PEX7: variants seen among roughly 807,000 people sequenced by gnomAD.
The protein encoded by PEX7 is PTS2 receptor.
In PEX7, 34 loss-of-function variants were observed where a neutral mutation model predicts 47.5. The ratio of observed to expected loss-of-function variants is 0.72; its 90% CI spans 0.54 to 0.95. The LOEUF is 0.95. Ranked by LOEUF, PEX7 falls within the 40% of genes least tolerant of loss-of-function variation. PEX7 has a pLI of 0.00. For synonymous variants in PEX7, 141 were observed against 148.8 expected (o/e 0.95, Z 0.38); for missense variants, 394 against 400.3 (o/e 0.98, Z 0.13).
Position 136,913,749 on chromosome 6 carries a change from T to A in PEX7, c.*223T>A, listed in dbSNP as rs774681133. 20 of 547,412 alleles carry A rather than the reference T, an allele frequency of 3.7e-5. No homozygotes were observed. The highest frequency in any genetic ancestry group is 5.8e-5 in the African/African-American group (3 of 51,428). The allele number at this position is 547,412 out of a possible 1,614,324, so 33.9% of individuals were successfully genotyped here. On this transcript the variant is annotated 3_prime_UTR_variant, in exon 10 of 10. Coordinates refer to ENST00000318471, the MANE Select transcript of PEX7 (RefSeq NM_000288.4). ...ATTTAAAATTCTAAGAAATAATTAA[T>A]GTTATGATATATCTTGTAGTATCTA...
At chr6:136,905,444 A>G (rs970320663) in intron 9 of PEX7, among the ~76,000 whole-genome samples, 2 of 152,066 alleles carry the variant, frequency 1.3e-5, no homozygotes, top group Admixed American at 1.3e-4. Flanking sequence ...CAGAATCTAC[A>G]CTCTCTTTTA....
intron 1 of PEX7, chr6:136,823,464 G>C: frequency 1.8e-6 from 1 of 555,612 alleles, no homozygotes; most frequent in Non-Finnish European, 2.3e-6. Flanking sequence ...AGGCTGAGGC[G>C]GGAGGATCGC....
chr6:136,898,902 A>T lies in PEX7; in HGVS notation c.903+661A>T, dbSNP rs531025195. ...GAGTGATAAGGCCCTTTAAATACAG[A>T]GTGTGTGAAAGAACCAGCATATCAA... On this transcript the variant is annotated intron_variant, in intron 9 of 9. Transcript: ENST00000318471. 3.9e-5 allele frequency among the ~76,000 whole-genome samples: 6 copies of T among 152,138 alleles called. No homozygotes were observed. The South Asian group carries it at 1.0e-3, about 26-fold the overall frequency.
chr6:136,857,437 C>T (rs1774880514), intron 5 of PEX7, among the ~76,000 whole-genome samples: 1 of 152,134 alleles, frequency 6.6e-6, no homozygotes, highest in South Asian at 2.1e-4. Context: ...GAATGTCCAT[C>T]ATTTATTGGA....
intron 3 of PEX7, among the ~76,000 whole-genome samples, chr6:136,843,924 T>C (rs190038887): frequency 1.0e-3 from 152 of 152,304 alleles, no homozygotes; most frequent in Non-Finnish European, 1.5e-3. Flanking sequence ...CCCAAAAAAC[T>C]TGATAATCAA....
intron 3 of PEX7, among the ~76,000 whole-genome samples, chr6:136,837,126 T>C (rs927229674): frequency 4.6e-5 from 7 of 151,980 alleles, no homozygotes; most frequent in Non-Finnish European, 1.0e-4. Flanking sequence ...TTTGGGAGGC[T>C]GAGGTGGGCG....
intron 3 of PEX7, among the ~76,000 whole-genome samples, chr6:136,838,764 G>C (rs1343048516): frequency 6.6e-6 from 1 of 152,168 alleles, no homozygotes; most frequent in Non-Finnish European, 1.5e-5. Context: ...TGGGACAGAA[G>C]AAACATGATG....
At chr6:136,879,206 T>G (rs1677537699) in intron 8 of PEX7, among the ~76,000 whole-genome samples, 3 of 152,192 alleles carry the variant, frequency 2.0e-5, no homozygotes, top group Admixed American at 6.5e-5. Context: ...AGTGTATAAT[T>G]AAATATATTA....
rs191768177 is a variant in PEX7, at chr6:136,872,370, T to C, written c.803+117T>C. On this transcript the variant is annotated intron_variant, in intron 8 of 9. Coordinates refer to ENST00000318471, the MANE Select transcript of PEX7 (RefSeq NM_000288.4). ...TAACATGAAAATAATCTGAGATGGG[T>C]ACATTTAAATATTTACTAGGATTAA... The C allele has an allele frequency of 4.9e-5, 37 of 762,528 alleles. No homozygotes were observed. In the African/African-American group the frequency reaches 5.6e-4, roughly 12 times the overall value. The allele number at this position is 762,528 out of a possible 1,614,324, so 47.2% of individuals were successfully genotyped here.
chr6:136,841,773 C>G (rs547349583), intron 3 of PEX7, among the ~76,000 whole-genome samples: 3 of 151,834 alleles, frequency 2.0e-5, no homozygotes, highest in Admixed American at 1.3e-4. Flanking sequence ...TTTATAGAGA[C>G]GGGGGTCTCG....
At chr6:136,855,443 G>A (rs1774843260) in intron 5 of PEX7, among the ~76,000 whole-genome samples, 1 of 150,790 alleles carries the variant, frequency 6.6e-6, no homozygotes, top group Non-Finnish European at 1.5e-5. Flanking sequence ...ACCTTCAAGC[G>A]ATTCTCCTGC....
At chr6:136,910,275 T>C (rs1286530969) in intron 9 of PEX7, among the ~76,000 whole-genome samples, 1 of 152,164 alleles carries the variant, frequency 6.6e-6, no homozygotes, top group Admixed American at 6.5e-5. Flanking sequence ...AGACAACTCT[T>C]TGTCTTCAGT....
chr6:136,828,838 C>T (rs1190552628), intron 3 of PEX7, among the ~76,000 whole-genome samples: 1 of 152,190 alleles, frequency 6.6e-6, no homozygotes, highest in Non-Finnish European at 1.5e-5. Flanking sequence ...TTTGAGTCTG[C>T]TAGTAACACA....
chr6:136,845,598 CT>C lies in PEX7; in HGVS notation c.340-13del. The C allele has an allele frequency of 6.6e-7, 1 of 1,520,842 alleles. No individual in the cohort carries two copies. The highest frequency in any genetic ancestry group is 9.1e-7 in the Non-Finnish European group (1 of 1,094,878). 94.2% of individuals were successfully genotyped at this position (1,520,842 alleles called of 1,614,324 possible). A position where few individuals can be genotyped will look rare whatever the true frequency, so the allele number is the denominator to read the frequency against. The stretch of plus-strand genomic sequence containing the variant: ...TTGATGGTCTTTTGCTTTCTAAACA[CT>C]TTTCAATGTTTTTAGGTGTATAGTG... On this transcript the variant is annotated splice_polypyrimidine_tract_variant and intron_variant, in intron 3 of 9. Transcript: ENST00000318471.
At chr6:136,884,853 T>A (rs1005967017) in intron 8 of PEX7, among the ~76,000 whole-genome samples, 2 of 152,192 alleles carry the variant, frequency 1.3e-5, no homozygotes, top group African/African-American at 4.8e-5. Flanking sequence ...TCAAAATACA[T>A]CTTGATTCTT....
intron 9 of PEX7, among the ~76,000 whole-genome samples, chr6:136,912,388 A>G (rs1775947787): frequency 6.6e-6 from 1 of 151,860 alleles, no homozygotes. Context: ...GGTGCATCTC[A>G]AATTCATTTT....
At chr6:136,822,853 G>C in intron 1 of PEX7, 58 bp downstream of exon 1, 1 of 900,412 alleles carries the variant, frequency 1.1e-6, no homozygotes, top group South Asian at 4.8e-5. Flanking sequence ...GGGGCCAGCC[G>C]GGCTCCAGTT....
chr6:136,852,286 C>A (rs1471148754), intron 5 of PEX7, among the ~76,000 whole-genome samples: 1 of 151,050 alleles, frequency 6.6e-6, no homozygotes, highest in East Asian at 1.9e-4. Context: ...TCCTATTCAA[C>A]ATAGTGTTGG....
chr6:136,875,804 T>C (rs1316900867), intron 8 of PEX7, among the ~76,000 whole-genome samples: 1 of 152,190 alleles, frequency 6.6e-6, no homozygotes, highest in Non-Finnish European at 1.5e-5. Context: ...CTGCATCTTT[T>C]GTAGTTTTGA....
Sources: allele counts gnomAD v4.1 joint callset (sites outside exome capture counted in the v4.1 genomes callset), GRCh38; gene constraint gnomAD v4.1.1; transcripts MANE v1.5; gene names NCBI Gene and HGNC (gene_info 2026-07-23, HGNC 2026-07-21).